The following GALNT13 variants were observed in gnomAD, a reference collection of about 807,000 sequenced individuals.
GALNT13 encodes the protein polypeptide N-acetylgalactosaminyltransferase 13.
In GALNT13, 28 loss-of-function variants were observed where a neutral mutation model predicts 64.2. That is an observed-to-expected ratio of 0.44 (90% CI 0.32 to 0.60). The LOEUF (loss-of-function observed/expected upper bound fraction) is 0.60, where lower values mean the gene tolerates loss of function less well. GALNT13 is among the 20% of genes least tolerant of loss of function. The probability of loss-of-function intolerance (pLI) is 0.05; values close to 1 mark genes in which losing one functional copy is unlikely to be tolerated. For missense variants in GALNT13, 577 were observed against 669.8 expected (o/e 0.86, Z 1.53); for synonymous variants, 214 against 224.6 (o/e 0.95, Z 0.42).
chr2:154,343,499 G>C (rs973382240), intron 9 of GALNT13, among the ~76,000 whole-genome samples: 1 of 152,012 alleles, frequency 6.6e-6, no homozygotes, highest in Admixed American at 6.6e-5. Context: ...TTATACAATA[G>C]AGTGCTAGAG....
intron 9 of GALNT13, among the ~76,000 whole-genome samples, chr2:154,387,434 T>C (rs917785539): frequency 2.0e-5 from 3 of 152,120 alleles, no homozygotes; most frequent in Non-Finnish European, 2.9e-5. Context: ...TGCTTACCTA[T>C]TATTTTTAGT....
At chr2:153,312,037 T>C in the GALNT13 span, among the ~76,000 whole-genome samples, 2 of 152,214 alleles carry the variant, frequency 1.3e-5, no homozygotes, top group Non-Finnish European at 2.9e-5. Flanking sequence ...ATTCTGTTAC[T>C]AAAGAACAAA....
chr2:153,271,651 T>C, the GALNT13 span, among the ~76,000 whole-genome samples: 1 of 152,206 alleles, frequency 6.6e-6, no homozygotes, highest in Non-Finnish European at 1.5e-5. Flanking sequence ...TCTATGCTCA[T>C]GGATAGGAAG....
rs758502527 is a variant in GALNT13, at chr2:154,271,735, C to CTA, written c.975+12607_975+12608dup. Among the ~76,000 whole-genome samples, 31 of 151,706 alleles carry CTA rather than the reference C, an allele frequency of 2.0e-4. No individual in the cohort carries two copies. In the East Asian group the frequency reaches 2.7e-3, roughly 13 times the overall value. ...AATACTATCTGTTTATTTTATTCAT[C>CTA]TATATATATATCTATCTAATTTATG... On this transcript the variant is annotated intron_variant, in intron 8 of 12. Coordinates refer to ENST00000392825, the MANE Select transcript of GALNT13 (RefSeq NM_052917.4).
chr2:154,170,000 A>G (rs575799490), intron 4 of GALNT13, among the ~76,000 whole-genome samples: 3 of 152,268 alleles, frequency 2.0e-5, no homozygotes, highest in Admixed American at 6.5e-5. Context: ...CCAAGGCTCA[A>G]CTGAATTTCA....
chr2:153,081,115 T>G, the GALNT13 span, among the ~76,000 whole-genome samples: 1 of 152,064 alleles, frequency 6.6e-6, no homozygotes, highest in Non-Finnish European at 1.5e-5. Context: ...CAGTTCTGTG[T>G]TTTTTTGCAC....
chr2:153,927,869 A>G (rs1384332074), intron 2 of GALNT13, among the ~76,000 whole-genome samples: 1 of 152,110 alleles, frequency 6.6e-6, no homozygotes, highest in Non-Finnish European at 1.5e-5. Context: ...TATTTCACCT[A>G]TTAATACTTT....
chr2:153,117,131 C>A, the GALNT13 span, among the ~76,000 whole-genome samples: 2 of 151,934 alleles, frequency 1.3e-5, no homozygotes, highest in South Asian at 2.1e-4. Context: ...GAAAAACCAG[C>A]CTCATTATTT....
chr2:153,991,339 A>G (rs1267177988), intron 3 of GALNT13, among the ~76,000 whole-genome samples: 1 of 152,144 alleles, frequency 6.6e-6, no homozygotes, highest in East Asian at 1.9e-4. Flanking sequence ...ATAAGCCTGA[A>G]TAGACAGCTG....
intron 3 of GALNT13, among the ~76,000 whole-genome samples, chr2:154,137,473 T>C (rs1445953234): frequency 6.6e-6 from 1 of 152,154 alleles, no homozygotes; most frequent in Admixed American, 6.6e-5. Flanking sequence ...AATGACTACA[T>C]GTTGTTGCAA....
intron 9 of GALNT13, among the ~76,000 whole-genome samples, chr2:154,375,777 G>T (rs550067946): frequency 6.6e-6 from 1 of 152,222 alleles, no homozygotes; most frequent in South Asian, 2.1e-4. Flanking sequence ...TGCACGGAGG[G>T]ATTAGCAAAT....
the GALNT13 span, among the ~76,000 whole-genome samples, chr2:153,239,004 C>A: frequency 2.0e-5 from 3 of 151,884 alleles, no homozygotes; most frequent in Non-Finnish European, 4.4e-5. Flanking sequence ...TTTTTAGTGT[C>A]CTGTTCAATT....
Position 154,450,763 on chromosome 2 carries a change from C to A in GALNT13, c.*212C>A, listed in dbSNP as rs561035619. 138 of 441,872 alleles carry A rather than the reference C, an allele frequency of 3.1e-4. No homozygotes were observed. Among genetic ancestry groups the A allele is most frequent in the African/African-American group, 2.7e-3 (134 of 49,940 alleles). The allele number at this position is 441,872 out of a possible 1,614,324, so 27.4% of individuals were successfully genotyped here. The stretch of plus-strand genomic sequence containing the variant: ...AAGCACATAAGAATATAAATAATAG[C>A]AAACTACTATTAAACAACAGAACAA... On this transcript the variant is annotated 3_prime_UTR_variant, in exon 13 of 13. Transcript: ENST00000392825.
At chr2:154,211,629 CAAAAAAAAAAAAA>C (rs140095331) in intron 4 of GALNT13, among the ~76,000 whole-genome samples, 4 of 37,932 alleles carry the variant, frequency 1.1e-4, no homozygotes, top group African/African-American at 2.3e-4. Context: ...ACTCCATCTC[CAAAAAAAAAAAAA>C]AAAAAAAAAA....
the GALNT13 span, among the ~76,000 whole-genome samples, chr2:153,776,907 GTC>G: frequency 6.6e-6 from 1 of 152,178 alleles, no homozygotes; most frequent in Non-Finnish European, 1.5e-5. Context: ...CTGTCAACAT[GTC>G]TGAATCAAGT....
At chr2:153,147,013 A>G in the GALNT13 span, among the ~76,000 whole-genome samples, 1 of 151,780 alleles carries the variant, frequency 6.6e-6, no homozygotes, top group African/African-American at 2.4e-5. Flanking sequence ...ATAGTAGAAA[A>G]CCATTAATTC....
At chr2:153,488,516 C>T in the GALNT13 span, among the ~76,000 whole-genome samples, 1 of 152,300 alleles carries the variant, frequency 6.6e-6, no homozygotes, top group South Asian at 2.1e-4. Context: ...CCTCTATGTC[C>T]TGCCCAGATA....
At chr2:153,523,043 ATTTTTTTTTTTTTT>A in the GALNT13 span, among the ~76,000 whole-genome samples, 2 of 83,404 alleles carry the variant, frequency 2.4e-5, no homozygotes, top group African/African-American at 9.8e-5. Context: ...TGTGTTTACT[ATTTTTTTTTTTTTT>A]TTTTTTTTTG....
intron 3 of GALNT13, among the ~76,000 whole-genome samples, chr2:154,029,949 C>T (rs1460868702): frequency 6.6e-6 from 1 of 152,098 alleles, no homozygotes; most frequent in Non-Finnish European, 1.5e-5. Flanking sequence ...ATGGTTGGTA[C>T]ACCTGAGGAC....
Sources: gnomAD v4.1 joint callset for allele counts (sites outside exome capture counted in the v4.1 genomes callset) on GRCh38, gnomAD v4.1.1 for gene constraint, MANE v1.5 for transcripts, NCBI Gene and HGNC (gene_info 2026-07-23, HGNC 2026-07-21) for gene names.